The following KCNH8 variants were observed in gnomAD, a reference collection of about 807,000 sequenced individuals.
The protein encoded by KCNH8 is voltage-gated delayed rectifier potassium channel KCNH8.
Under a neutral mutation model 103.6 loss-of-function variants are expected in KCNH8, and 70 were observed. The observed-to-expected ratio is 0.68, with a 90% CI of 0.56 to 0.82. The LOEUF is 0.82. KCNH8 is among the 40% of genes least tolerant of loss of function. KCNH8 has a pLI of 0.00. For synonymous variants in KCNH8, 498 were observed against 489.4 expected (o/e 1.02, Z -0.23); for missense variants, 1,217 against 1,329.9 (o/e 0.92, Z 1.32).
intron 2 of KCNH8, among the ~76,000 whole-genome samples, chr3:19,260,487 G>GATAGATAT (rs2064416634): frequency 2.5e-5 from 1 of 40,038 alleles, no homozygotes; most frequent in African/African-American, 6.8e-5. Context: ...TACTCTATAG[G>GATAGATAT]ATATATATAT....
At chr3:19,346,389 G>A (rs1347496434) in intron 4 of KCNH8, among the ~76,000 whole-genome samples, 1 of 152,056 alleles carries the variant, frequency 6.6e-6, no homozygotes, top group African/African-American at 2.4e-5. Flanking sequence ...ATGAAACATA[G>A]ATGCAGTGGC....
intron 7 of KCNH8, among the ~76,000 whole-genome samples, chr3:19,401,343 C>T (rs1026013939): frequency 2.0e-5 from 3 of 152,060 alleles, no homozygotes; most frequent in African/African-American, 7.2e-5. Flanking sequence ...CCTTTTCCAC[C>T]GTCCTATACT....
intron 10 of KCNH8, among the ~76,000 whole-genome samples, chr3:19,454,488 T>C (rs1392271310): frequency 1.3e-5 from 2 of 152,098 alleles, no homozygotes. Flanking sequence ...CAATGCAGCA[T>C]TCTAAACAGA....
intron 11 of KCNH8, among the ~76,000 whole-genome samples, chr3:19,464,438 G>A (rs1049182596): frequency 3.3e-5 from 5 of 152,010 alleles, no homozygotes; most frequent in Admixed American, 6.6e-5. Context: ...AAAGTTTCTA[G>A]AAGAAAACAT....
intron 1 of KCNH8, among the ~76,000 whole-genome samples, chr3:19,232,871 T>C (rs906591239): frequency 2.0e-5 from 3 of 152,216 alleles, no homozygotes; most frequent in African/African-American, 7.2e-5. Flanking sequence ...ATACTATTCA[T>C]GCTGTTGCCA....
intron 11 of KCNH8, among the ~76,000 whole-genome samples, chr3:19,510,028 A>T (rs1344515210): frequency 1.3e-5 from 2 of 152,072 alleles, no homozygotes; most frequent in Admixed American, 6.6e-5. Context: ...AGAATGAAGC[A>T]TCAAGATGGA....
Position 19,210,756 on chromosome 3 carries a change from C to T in KCNH8, c.77-42898C>T, listed in dbSNP as rs538038233. 3.3e-5 allele frequency among the ~76,000 whole-genome samples: 5 copies of T among 152,000 alleles called. No individual in the cohort carries two copies. The South Asian group carries it at 1.0e-3, about 32-fold the overall frequency. On this transcript the variant is annotated intron_variant, in intron 1 of 15. Transcript: ENST00000328405. ...GTTCAAATAGGAGTCATTCATATTTCCCAGTGAATCAAATGAGAGATAAAA... is the reference window on the plus strand; with the variant it reads ...GTTCAAATAGGAGTCATTCATATTTTCCAGTGAATCAAATGAGAGATAAAA...
chr3:19,462,683 T>G (rs1324345118), intron 11 of KCNH8, among the ~76,000 whole-genome samples: 1 of 152,238 alleles, frequency 6.6e-6, no homozygotes, highest in African/African-American at 2.4e-5. Context: ...TTGTTGCCAT[T>G]GCTTTTGGTC....
chr3:19,457,408 G>A (rs1056480500), intron 11 of KCNH8, among the ~76,000 whole-genome samples: 1 of 151,834 alleles, frequency 6.6e-6, no homozygotes, highest in Non-Finnish European at 1.5e-5. Flanking sequence ...TTATTTAATG[G>A]TACACAAAAC....
At chr3:19,528,911 G>A (rs2069111151) in intron 15 of KCNH8, among the ~76,000 whole-genome samples, 1 of 152,080 alleles carries the variant, frequency 6.6e-6, no homozygotes, top group Non-Finnish European at 1.5e-5. Context: ...ATGCAAAGTG[G>A]TCAGGGTTAA....
rs576166823 is a variant in KCNH8 at position 19,318,453 on chromosome 3, G to A, written c.443-24134G>A. The stretch of plus-strand genomic sequence containing the variant: ...ACACCCTGTCCCTCAAGTCCCCAAA[G>A]TCTATTGTATCATTCTTATGCCTTT... On this transcript the variant is annotated intron_variant, in intron 3 of 15. Coordinates refer to ENST00000328405, the MANE Select transcript of KCNH8 (RefSeq NM_144633.3). Among the ~76,000 whole-genome samples the A allele has an allele frequency of 1.1e-4, 16 of 151,686 alleles. No homozygotes were observed. In the East Asian group the frequency reaches 2.3e-3, roughly 22 times the overall value.
chr3:19,463,641 G>T (rs774928870), intron 11 of KCNH8, among the ~76,000 whole-genome samples: 2 of 152,116 alleles, frequency 1.3e-5, no homozygotes, highest in Non-Finnish European at 2.9e-5. Context: ...TGCAGTTATT[G>T]GTGGAGAATA....
chr3:19,411,588 T>C (rs530840621), intron 7 of KCNH8, among the ~76,000 whole-genome samples: 34 of 152,040 alleles, frequency 2.2e-4, no homozygotes, highest in African/African-American at 8.2e-4. Flanking sequence ...TTTGGGGAGA[T>C]ATGATTCTAC....
At chr3:19,415,529 A>G (rs1411282868) in intron 7 of KCNH8, among the ~76,000 whole-genome samples, 1 of 150,316 alleles carries the variant, frequency 6.7e-6, no homozygotes, top group Non-Finnish European at 1.5e-5. Context: ...CTGTCTCCTT[A>G]CTGAGGCACA....
Position 19,510,408 on chromosome 3 carries a change from CT to C in KCNH8, c.2079+11del. ...CAAATCTATGGTCTCACAGGTATGG[CT>C]TTTGCTACACAGCAAAATATTTATC... On this transcript the variant is annotated splice_region_variant and intron_variant, in intron 12 of 15. Transcript: ENST00000328405. 1.3e-6 allele frequency: 2 copies of C among 1,541,284 alleles called. No individual in the cohort carries two copies. Among genetic ancestry groups the C allele is most frequent in the Non-Finnish European group, 1.8e-6 (2 of 1,113,918 alleles).
At chr3:19,517,684 A>G (rs73034043) in intron 14 of KCNH8, among the ~76,000 whole-genome samples, 8,302 of 152,040 alleles carry the variant, frequency 0.055, 324 homozygotes, top group Non-Finnish European at 0.087. Flanking sequence ...GTTTTAAACA[A>G]TGGTCAAAGA....
rs1002921614 is a variant in KCNH8 at position 19,298,680 on chromosome 3, T to A, written c.442+17351T>A. Among the ~76,000 whole-genome samples, 4 of 152,046 alleles carry A rather than the reference T, an allele frequency of 2.6e-5. No individual in the cohort carries two copies. The South Asian group carries it at 8.3e-4, about 32-fold the overall frequency. ...GCTCACGCCTGTAATCCCAGCACTT[T>A]GGGAGTCCGAGGCGGGCGGATCACG... On this transcript the variant is annotated intron_variant, in intron 3 of 15. Transcript: ENST00000328405.
chr3:19,194,112 C>T (rs566097504), intron 1 of KCNH8, among the ~76,000 whole-genome samples: 63 of 151,526 alleles, frequency 4.2e-4, no homozygotes, highest in Non-Finnish European at 7.4e-4. Flanking sequence ...CATCTTCTGT[C>T]TACAACTTGT....
At position 19,245,196 on chromosome 3, in the gene KCNH8, C is replaced by A. The variant is rs558406617; in HGVS notation, c.77-8458C>A. On this transcript the variant is annotated intron_variant, in intron 1 of 15. Coordinates refer to ENST00000328405, the MANE Select transcript of KCNH8 (RefSeq NM_144633.3). ...ATATGGCTAACCAGTTATCTTAGCACCATTTATTAAATAGGGGAGTCCCTT... is the reference window on the plus strand; with the variant it reads ...ATATGGCTAACCAGTTATCTTAGCAACATTTATTAAATAGGGGAGTCCCTT... Among the ~76,000 whole-genome samples the A allele has an allele frequency of 3.9e-5, 6 of 152,260 alleles. No homozygotes were observed. In the South Asian group the frequency reaches 1.2e-3, roughly 32 times the overall value.
Sources: gnomAD v4.1 joint callset for allele counts (sites outside exome capture counted in the v4.1 genomes callset) on GRCh38, gnomAD v4.1.1 for gene constraint, MANE v1.5 for transcripts, NCBI Gene and HGNC (gene_info 2026-07-23, HGNC 2026-07-21) for gene names.